The following TP73 variants were observed in gnomAD, a reference collection of about 807,000 sequenced individuals.
The protein encoded by TP73 is tumor protein p73.
In TP73, 25 loss-of-function variants were observed where a neutral mutation model predicts 62.5. That is an observed-to-expected ratio of 0.40 (90% CI 0.29 to 0.56). The LOEUF (loss-of-function observed/expected upper bound fraction) is 0.56, where lower values mean the gene tolerates loss of function less well. Ranked by LOEUF, TP73 falls within the 20% of genes least tolerant of loss-of-function variation. The pLI is 0.46. For synonymous variants in TP73, 423 were observed against 377.5 expected, an observed-to-expected ratio of 1.12 and a Z score of -1.40; for missense variants, 754 against 913.3, an observed-to-expected ratio of 0.83 and a Z score of 2.25.
At chr1:3,656,444 A>T (rs1644867435) in intron 1 of TP73, among the ~76,000 whole-genome samples, 1 of 152,260 alleles carries the variant, frequency 6.6e-6, no homozygotes, top group Non-Finnish European at 1.5e-5. Context: ...GTAATAACTC[A>T]CATTTAGCCC....
Position 3,663,394 on chromosome 1 carries a change from G to A in TP73, c.-34+10753G>A, listed in dbSNP as rs1404725838. On this transcript the variant is annotated intron_variant, in intron 1 of 13. Coordinates refer to ENST00000378295, the MANE Select transcript of TP73 (RefSeq NM_005427.4). This position sits in a 1 kb window ranked among gnomAD's most constrained non-coding sequence, Gnocchi z 4.7. Reference sequence around the variant, plus strand: ...CTGCATATTTTCCTCCTGGGTTTGTGGGGTGTGGACAGCACGGAGCGTGAT... The same window carrying A: ...CTGCATATTTTCCTCCTGGGTTTGTAGGGTGTGGACAGCACGGAGCGTGAT... 6.6e-6 allele frequency among the ~76,000 whole-genome samples: 1 copy of A among 152,146 alleles called. No individual in the cohort carries two copies. The highest frequency in any genetic ancestry group is 6.5e-5 in the Admixed American group (1 of 15,278).
At chr1:3,684,907 G>A (rs1457714292) in intron 3 of TP73, among the ~76,000 whole-genome samples, 1 of 152,122 alleles carries the variant, frequency 6.6e-6, no homozygotes, top group African/African-American at 2.4e-5. Flanking sequence ...AAGTGAGACT[G>A]CAACCTCTCC....
At chr1:3,674,920 G>T (rs919417867) in intron 1 of TP73, among the ~76,000 whole-genome samples, 6 of 152,236 alleles carry the variant, frequency 3.9e-5, no homozygotes, top group African/African-American at 7.2e-5. Flanking sequence ...CCCAGGCGGG[G>T]GCTCTTCTGG....
intron 4 of TP73, among the ~76,000 whole-genome samples, chr1:3,719,779 C>CT (rs1176302457): frequency 1.3e-5 from 2 of 152,240 alleles, no homozygotes; most frequent in Admixed American, 6.5e-5. Context: ...AAGGAGACTG[C>CT]TGTACTTCCC....
At chr1:3,677,546 T>TG (rs989806714) in intron 1 of TP73, among the ~76,000 whole-genome samples, 6 of 152,164 alleles carry the variant, frequency 3.9e-5, no homozygotes, top group South Asian at 2.1e-4. Context: ...GTGCCAGGGC[T>TG]GGGGGGGTGC....
At chr1:3,661,480 G>T (rs1415384765) in intron 1 of TP73, among the ~76,000 whole-genome samples, 1 of 151,914 alleles carries the variant, frequency 6.6e-6, no homozygotes, top group Admixed American at 6.6e-5. Context: ...AGGCTGACAT[G>T]AGCGGATCAC....
chr1:3,682,560 C>T, intron 2 of TP73, 130 bp downstream of exon 2: 1 of 893,266 alleles, frequency 1.1e-6, no homozygotes, highest in Non-Finnish European at 1.6e-6. Flanking sequence ...GGGCTAGCCC[C>T]AGCCACCCTC....
intron 11 of TP73, among the ~76,000 whole-genome samples, 158 bp downstream of exon 11, chr1:3,730,306 G>A (rs938236768): frequency 2.0e-5 from 3 of 152,242 alleles, no homozygotes; most frequent in Admixed American, 6.5e-5. Flanking sequence ...GCGCAGCCAC[G>A]GATAGCCCTC....
At chr1:3,711,318 C>T (rs1640121531) in intron 4 of TP73, among the ~76,000 whole-genome samples, 1 of 152,206 alleles carries the variant, frequency 6.6e-6, no homozygotes, top group South Asian at 2.1e-4. Context: ...AGAGTGTGGG[C>T]AGAGCTCTCT....
chr1:3,699,839 G>T lies in TP73; in HGVS notation c.187-7710G>T, dbSNP rs75743279. On this transcript the variant is annotated intron_variant, in intron 3 of 13. Transcript: ENST00000378295. The surrounding 1 kb of genome is among the most constrained non-coding windows in gnomAD (Gnocchi z 4.1). ...GGATTTCAGCTGACATCCCTACTAC[G>T]CTTTTTCACGTGCCTCCCTCTCTGA... 6.6e-6 allele frequency among the ~76,000 whole-genome samples: 1 copy of T among 152,090 alleles called. No individual in the cohort carries two copies. Among genetic ancestry groups the T allele is most frequent in the Non-Finnish European group, 1.5e-5 (1 of 67,994 alleles).
chr1:3,728,121 C>A lies in TP73; in HGVS notation c.986-8C>A, dbSNP rs755931899. The stretch of plus-strand genomic sequence containing the variant: ...TGCTCACCCCGCCTGCCCTGCCTGG[C>A]CTTCCAGCCTTCAAGCAGAGCCCCC... On this transcript the variant is annotated splice_polypyrimidine_tract_variant and splice_region_variant and intron_variant, in intron 8 of 13. Transcript: ENST00000378295. The A allele has an allele frequency of 8.7e-6, 14 of 1,608,022 alleles. No homozygotes were observed. The East Asian group carries it at 2.0e-4, about 23-fold the overall frequency.
At chr1:3,709,962 C>T (rs556728734) in intron 4 of TP73, among the ~76,000 whole-genome samples, 69 of 152,154 alleles carry the variant, frequency 4.5e-4, no homozygotes, top group Non-Finnish European at 8.8e-4. Flanking sequence ...GTATCTGCCA[C>T]CCCCACCCCC....
At chr1:3,676,060 G>A (rs575102004) in intron 1 of TP73, among the ~76,000 whole-genome samples, 1 of 151,246 alleles carries the variant, frequency 6.6e-6, no homozygotes, top group African/African-American at 2.4e-5. Flanking sequence ...GGGGACAGGG[G>A]ACAAGGAGGG....
At chr1:3,709,359 C>T (rs1639943837) in intron 4 of TP73, among the ~76,000 whole-genome samples, 1 of 152,242 alleles carries the variant, frequency 6.6e-6, no homozygotes, top group African/African-American at 2.4e-5. Flanking sequence ...CCAGTGCTAA[C>T]ACCCCGTTTT....
chr1:3,702,664 C>T (rs535002662), intron 3 of TP73, among the ~76,000 whole-genome samples: 22 of 152,322 alleles, frequency 1.4e-4, no homozygotes, highest in African/African-American at 3.4e-4. Flanking sequence ...GGTGCGTCCG[C>T]GGCCTGGAGG....
In TP73 at chr1:3,683,088, C is replaced by T. The variant is rs1478215247; in HGVS notation, c.94C>T (p.Pro32Ser). 2 of 1,611,510 alleles carry T rather than the reference C, an allele frequency of 1.2e-6. No individual in the cohort carries two copies. The highest frequency in any genetic ancestry group is 2.7e-5 in the African/African-American group (2 of 74,912). The change falls in exon 3 of 14, where the codon CCC becomes TCC. Residue 32 changes from proline (P) to serine (S), a missense_variant. Around this residue, in one of 3 missense-constraint regions of TP73, gnomAD observed 235 missense variants for 251.4 expected, o/e 0.93. Transcript: ENST00000378295. ...ACCAGACAGCACCTACTTCGACCTTCCCCAGTCAAGCCGGGGGAATAATGA... is the reference window on the plus strand; with the variant it reads ...ACCAGACAGCACCTACTTCGACCTTTCCCAGTCAAGCCGGGGGAATAATGA... ...LEPDSTYFDL[P>S]QSSRGNNEVV...
intron 6 of TP73, 97 bp from the exon 7 acceptor site, chr1:3,727,018 G>T (rs531782466): frequency 9.9e-7 from 1 of 1,007,372 alleles, no homozygotes; most frequent in South Asian, 1.5e-5. Context: ...CCCTGCCTAC[G>T]TGGAGCCAGG....
At chr1:3,685,890 G>A (rs1307429534) in intron 3 of TP73, among the ~76,000 whole-genome samples, 1 of 152,214 alleles carries the variant, frequency 6.6e-6, no homozygotes, top group South Asian at 2.1e-4. Context: ...CAGCTCAGGG[G>A]CCCAGTTCTA....
chr1:3,697,149 GGGCCCACCTCGCACCCGC>G (rs1333487010), intron 3 of TP73, among the ~76,000 whole-genome samples: 11 of 107,592 alleles, frequency 1.0e-4, no homozygotes, highest in East Asian at 2.4e-4. Flanking sequence ...GGCCCCTGCG[GGGCCCACCTCGCACCCGC>G]GGCCCACGTC....
Sources: gnomAD v4.1 joint callset for allele counts (sites outside exome capture counted in the v4.1 genomes callset) on GRCh38, gnomAD v4.1.1 for gene constraint, gnomAD v4.1.1 regional missense constraint, Gnocchi (gnomAD v3.1) non-coding constraint, MANE v1.5 for transcripts, NCBI Gene and HGNC (gene_info 2026-07-23, HGNC 2026-07-21) for gene names.